The following SON variants were observed in gnomAD, a reference collection of about 807,000 sequenced individuals.
SON encodes the protein SON DNA and RNA binding protein.
Under a neutral mutation model 173.3 loss-of-function variants are expected in SON, and 4 were observed. The observed-to-expected ratio is 0.02, with a 90% CI of 0.01 to 0.05. The LOEUF is 0.05. Ranked by LOEUF, SON falls within the 10% of genes least tolerant of loss-of-function variation. The pLI is 1.00. For synonymous variants in SON, 1,190 were observed against 1,105.9 expected (o/e 1.08, Z -1.51); for missense variants, 2,626 against 3,055.3 (o/e 0.86, Z 3.31).
chr21:33,563,165 T>C (rs1478921142), intron 6 of SON, among the ~76,000 whole-genome samples: 1 of 152,212 alleles, frequency 6.6e-6, no homozygotes, highest in Admixed American at 6.5e-5. Context: ...AGCCTTGTTA[T>C]TCTTTCCTTC....
At chr21:33,544,683 A>G (rs2085572403) in intron 1 of SON, among the ~76,000 whole-genome samples, 3 of 152,220 alleles carry the variant, frequency 2.0e-5, no homozygotes, top group South Asian at 2.1e-4. Flanking sequence ...ATCCCATTGT[A>G]GGAATATACT....
intron 1 of SON, 124 bp from the exon 2 acceptor site, chr21:33,546,089 C>T: frequency 1.3e-6 from 1 of 764,774 alleles, no homozygotes; most frequent in South Asian, 2.4e-5. Context: ...TGGTGAATAT[C>T]TAAAATAGGA....
At position 33,551,872 on chromosome 21, in the gene SON, A is replaced by G. The variant is rs1398661927; in HGVS notation, c.2641A>G (p.Met881Val). The change falls in exon 3 of 12, where the codon ATG (methionine) becomes GTG (valine). Residue 881 changes from methionine to valine, a missense_variant. By Grantham distance (21) the Met-to-Val change is conservative (BLOSUM62 1). This residue lies in a region of SON where 366 missense variants were observed against 448.6 expected (regional missense o/e 0.82). Transcript: ENST00000356577. ...CTCTCAAATGTTAGCTTCTGGCACC[A>G]TGGATGCTCAGATGTTAGCGTCTGG... ...MDSQMLASGT[M>V]DAQMLASGTM... 1 of 1,614,042 alleles carries G rather than the reference A, an allele frequency of 6.2e-7. No homozygotes were observed. The highest frequency in any genetic ancestry group is 8.5e-7 in the Non-Finnish European group (1 of 1,179,992).
At position 33,554,008 on chromosome 21, in the gene SON, C is replaced by G. The variant is rs2085890280; in HGVS notation, c.4777C>G (p.Leu1593Val). Residue 1593 changes from leucine (L) to valine (V), a missense_variant, in exon 3 of 12, where the codon CTA becomes GTA. By Grantham distance (32) the Leu-to-Val change is conservative. Coordinates refer to ENST00000356577, the MANE Select transcript of SON (RefSeq NM_138927.4). Reference protein sequence around the residue: ...GVSEADAGETLSSTGPFALEP... With the variant: ...GVSEADAGETVSSTGPFALEP... ...TAGTGAAGCTGATGCAGGAGAAACTCTATCTTCTACTGGTCCTTTTGCTCT... is the reference window on the plus strand; with the variant it reads ...TAGTGAAGCTGATGCAGGAGAAACTGTATCTTCTACTGGTCCTTTTGCTCT... The G allele has an allele frequency of 1.2e-6, 2 of 1,613,974 alleles. No individual in the cohort carries two copies. The highest frequency in any genetic ancestry group is 1.7e-5 in the Admixed American group (1 of 59,998).
At chr21:33,571,341 TTTAG>T (rs1224856616) in intron 8 of SON, among the ~76,000 whole-genome samples, 1 of 152,156 alleles carries the variant, frequency 6.6e-6, no homozygotes, top group Non-Finnish European at 1.5e-5. Context: ...TCATTAAATG[TTTAG>T]TTGTGTTTAG....
intron 6 of SON, among the ~76,000 whole-genome samples, chr21:33,561,420 G>C (rs2086068690): frequency 6.6e-6 from 1 of 152,076 alleles, no homozygotes; most frequent in South Asian, 2.1e-4. Context: ...ATTTCCTGCA[G>C]TTTAAGCATT....
intron 2 of SON, 56 bp downstream of exon 2, chr21:33,546,435 T>C: frequency 7.0e-7 from 1 of 1,421,082 alleles, no homozygotes; most frequent in Non-Finnish European, 9.7e-7. Context: ...TTTTTTGAAA[T>C]TTGAAGGTTA....
rs371109019 is a variant in SON, at chr21:33,559,813, T to C, written c.6657+38T>C. On this transcript the variant is annotated intron_variant, in intron 6 of 11. Coordinates refer to ENST00000356577, the MANE Select transcript of SON (RefSeq NM_138927.4). This position sits in a 1 kb window ranked among gnomAD's most constrained non-coding sequence, Gnocchi z 4.1. ...AATATTATGTATTTTTCCTTTTTTA[T>C]ACCTGAATCTGCCATTTCATTGTTA... 4 of 1,606,792 alleles carry C rather than the reference T, an allele frequency of 2.5e-6. No homozygotes were observed. In the African/African-American group the frequency reaches 5.4e-5, roughly 22 times the overall value.
chr21:33,566,257 CA>C lies in SON; in HGVS notation c.6658-895del, dbSNP rs1389716067. On this transcript the variant is annotated intron_variant, in intron 6 of 11. Coordinates refer to ENST00000356577, the MANE Select transcript of SON (RefSeq NM_138927.4). ...AATAATAATAATGTTAAAAGAAGGA[CA>C]AAAACCAAGAAATGAGTTGATAAAA... Among the ~76,000 whole-genome samples the C allele has an allele frequency of 3.3e-5, 5 of 152,064 alleles. No individual in the cohort carries two copies. The East Asian group carries it at 9.6e-4, about 29-fold the overall frequency.
At position 33,555,156 on chromosome 21, in the gene SON, C is replaced by G; in HGVS notation, c.5925C>G (p.Ser1975Arg). 6.6e-7 allele frequency: 1 copy of G among 1,510,932 alleles called. No homozygotes were observed. Among genetic ancestry groups the G allele is most frequent in the Non-Finnish European group, 8.8e-7 (1 of 1,136,268 alleles). The allele number at this position is 1,510,932 out of a possible 1,614,324, so 93.6% of individuals were successfully genotyped here. Residue 1975 changes from serine (S) to arginine (R), a missense_variant, in exon 3 of 12, where the codon AGC becomes AGG. This residue lies in a region of SON where 138 missense variants were observed against 222.9 expected (regional missense o/e 0.62). Transcript: ENST00000356577. ...CCAGCCGCCGCAGCCGCACCCCCAG[C>G]CGCCGCAGCCGCACCCCCAGCCGCC... ...RTPSRRSRTP[S>R]RRSRTPSRRS...
chr21:33,543,858 C>G (rs1476025204), intron 1 of SON, among the ~76,000 whole-genome samples: 1 of 152,150 alleles, frequency 6.6e-6, no homozygotes, highest in East Asian at 1.9e-4. Context: ...GTGTGTAGGT[C>G]TATTATTTTC....
At chr21:33,563,344 G>T (rs1270773571) in intron 6 of SON, among the ~76,000 whole-genome samples, 1 of 152,054 alleles carries the variant, frequency 6.6e-6, no homozygotes, top group Non-Finnish European at 1.5e-5. Context: ...ACATAACTGG[G>T]ACATTCTGTG....
intron 4 of SON, 57 bp downstream of exon 4, chr21:33,557,373 T>G (rs769475870): frequency 4.9e-5 from 78 of 1,588,484 alleles, no homozygotes; most frequent in Non-Finnish European, 5.9e-5. Context: ...TGATGTTGAC[T>G]CTGGAGCGTG....
chr21:33,571,396 G>C (rs1254588825), intron 8 of SON, among the ~76,000 whole-genome samples: 3 of 152,110 alleles, frequency 2.0e-5, no homozygotes, highest in Non-Finnish European at 4.4e-5. Flanking sequence ...CTTTAGTATA[G>C]TCCAGCATCT....
Position 33,554,238 on chromosome 21 carries a change from A to G in SON, c.5007A>G (p.Pro1669=), listed in dbSNP as rs2085898567. 8.7e-6 allele frequency: 14 copies of G among 1,614,154 alleles called. No homozygotes were observed. The highest frequency in any genetic ancestry group is 1.2e-5 in the Non-Finnish European group (14 of 1,179,974). ...LPAKDIHLDL[P]SNNNLVSKDT... is the part of the protein sequence containing the mutation. The stretch of plus-strand genomic sequence containing the variant: ...CTAAAGATATTCATCTTGATTTACC[A>G]TCTAATAATAACCTTGTTAGTAAGG... The change falls in exon 3 of 12, where the codon CCA becomes CCG. Residue 1669 remains proline (P), a synonymous_variant. Coordinates refer to ENST00000356577, the MANE Select transcript of SON (RefSeq NM_138927.4).
At position 33,557,266 on chromosome 21, in the gene SON, G is replaced by A; in HGVS notation, c.6271G>A (p.Glu2091Lys). ...GCCTGCACCTCCACCTACTATAGAA[G>A]AGAAAGTTGCTAAAAAGTCAGGAGG... ...LKPAPPPTIEEKVAKKSGGAT... is the reference protein window; with the variant it reads ...LKPAPPPTIEKKVAKKSGGAT... The change falls in exon 4 of 12, where the codon GAG (glutamate) becomes AAG (lysine). Residue 2091 changes from glutamate to lysine, a missense_variant. Transcript: ENST00000356577. 1 of 1,613,586 alleles carries A rather than the reference G, an allele frequency of 6.2e-7. No individual in the cohort carries two copies. Among genetic ancestry groups the A allele is most frequent in the East Asian group, 2.2e-5 (1 of 44,862 alleles).
chr21:33,555,066 A>G lies in SON; in HGVS notation c.5835A>G (p.Arg1945=), dbSNP rs767775693. 2.5e-6 allele frequency: 4 copies of G among 1,610,514 alleles called. No individual in the cohort carries two copies. Among genetic ancestry groups the G allele is most frequent in the Non-Finnish European group, 3.4e-6 (4 of 1,178,922 alleles). ...SRRRRSRSVG[R]RRSFSISPSR... is the part of the protein sequence containing the mutation. The stretch of plus-strand genomic sequence containing the variant: ...GACGAAGGTCTAGATCTGTGGGTAG[A>G]AGAAGGAGCTTTAGCATTTCCCCAA... The change falls in exon 3 of 12, where the codon AGA becomes AGG. Residue 1945 remains arginine (R), a synonymous_variant. Transcript: ENST00000356577.
At chr21:33,560,354 G>A in intron 6 of SON, 2 of 1,278,132 alleles carry the variant, frequency 1.6e-6, no homozygotes, top group Middle Eastern at 3.0e-4. Flanking sequence ...TTAAATTCTT[G>A]TGTTTAACCT....
chr21:33,558,820 T>A (rs985021793), intron 4 of SON: 1 of 152,912 alleles, frequency 6.5e-6, no homozygotes, highest in African/African-American at 2.4e-5. Context: ...CTTTTAGCAC[T>A]TATGTACTCA....
Sources: gnomAD v4.1 joint callset for allele counts (sites outside exome capture counted in the v4.1 genomes callset) on GRCh38, gnomAD v4.1.1 for gene constraint, gnomAD v4.1.1 regional missense constraint, Gnocchi (gnomAD v3.1) non-coding constraint, MANE v1.5 for transcripts, NCBI Gene and HGNC (gene_info 2026-07-23, HGNC 2026-07-21) for gene names.